UACA: variants seen among roughly 807,000 people sequenced by gnomAD.
UACA encodes the protein nuclear membrane binding protein.
Under a neutral mutation model 160.5 loss-of-function variants are expected in UACA, and 112 were observed. The observed-to-expected ratio is 0.70, with a 90% confidence interval of 0.60 to 0.82. The LOEUF (loss-of-function observed/expected upper bound fraction) is 0.82. Ranked by LOEUF, UACA falls within the 40% of genes least tolerant of loss-of-function variation. UACA has a pLI of 0.00. For synonymous variants in UACA, 557 were observed against 568.4 expected (o/e 0.98, Z 0.29); for missense variants, 1,574 against 1,614.6 (o/e 0.97, Z 0.43).
chr15:70,660,276 A>C, intron 17 of UACA, 60 bp from the exon 18 acceptor site: 1 of 1,417,844 alleles, frequency 7.1e-7, no homozygotes, highest in Non-Finnish European at 9.9e-7. Flanking sequence ...CAAACTTTGG[A>C]CAATGCTCAG....
At chr15:70,762,623 G>A (rs1364181035) in intron 1 of UACA, among the ~76,000 whole-genome samples, 1 of 152,180 alleles carries the variant, frequency 6.6e-6, no homozygotes, top group Non-Finnish European at 1.5e-5. Flanking sequence ...AGCCCCGCAC[G>A]GATCCCGCCC....
intron 1 of UACA, among the ~76,000 whole-genome samples, chr15:70,728,888 G>A (rs1220918870): frequency 1.3e-5 from 2 of 152,034 alleles, no homozygotes; most frequent in Admixed American, 6.6e-5. Context: ...AACATGAACC[G>A]ACACCTCTCA....
chr15:70,669,061 T>C lies in UACA; in HGVS notation c.1623A>G (p.Glu541=), dbSNP rs188217497. Residue 541 remains glutamate (E), a synonymous_variant, in exon 16 of 19, where the codon GAA becomes GAG. Transcript: ENST00000322954. ...AASGNHRLTE[E]LKDQLKDLKV... is the part of the protein sequence containing the mutation. The stretch of plus-strand genomic sequence containing the variant: ...TCAAGTCTTTCAACTGATCCTTCAG[T>C]TCCTCGGTTAGTCTGTGATTCCCTG... 54 of 1,614,096 alleles carry C rather than the reference T, an allele frequency of 3.3e-5. No homozygotes were observed. The African/African-American group carries it at 6.4e-4, about 19-fold the overall frequency.
At chr15:70,723,817 A>G (rs1332150293) in intron 1 of UACA, among the ~76,000 whole-genome samples, 1 of 151,990 alleles carries the variant, frequency 6.6e-6, no homozygotes, top group Non-Finnish European at 1.5e-5. Flanking sequence ...TATTTTTAGT[A>G]GAGACGGGGT....
rs371520610 is a variant in UACA, at chr15:70,753,340, G to T, written c.78+9990C>A. Among the ~76,000 whole-genome samples, 16 of 152,256 alleles carry T rather than the reference G, an allele frequency of 1.1e-4. No individual in the cohort carries two copies. The South Asian group carries it at 1.9e-3, about 18-fold the overall frequency. ...AAATAACAGAATCTATTATTGGAAG[G>T]ATATCAGGAATGCAACAATTCCACA... On this transcript the variant is annotated intron_variant, in intron 1 of 18. Coordinates refer to ENST00000322954, the MANE Select transcript of UACA (RefSeq NM_018003.4).
intron 10 of UACA, among the ~76,000 whole-genome samples, chr15:70,678,816 CTG>C (rs918800699): frequency 1.3e-5 from 2 of 152,026 alleles, no homozygotes; most frequent in African/African-American, 4.8e-5. Context: ...CCAAAAAGTA[CTG>C]TGTGGTTAGT....
intron 18 of UACA, among the ~76,000 whole-genome samples, chr15:70,659,391 G>GTTTT (rs1375150038): frequency 1.5e-3 from 15 of 9,958 alleles, no homozygotes; most frequent in African/African-American, 2.1e-3. Context: ...TTCATTTTTT[G>GTTTT]TTTGTTTTTT....
intron 1 of UACA, among the ~76,000 whole-genome samples, chr15:70,718,512 T>A (rs1898895240): frequency 6.6e-6 from 1 of 152,102 alleles, no homozygotes; most frequent in Non-Finnish European, 1.5e-5. Flanking sequence ...CCAGCCTTCT[T>A]GCTGTAGTAC....
chr15:70,683,850 CAT>C (rs144963194), intron 8 of UACA, among the ~76,000 whole-genome samples: 4,023 of 149,392 alleles, frequency 0.027, 67 homozygotes, highest in Middle Eastern at 0.049. Context: ...TTAAAAAAAA[CAT>C]AAAAAATCAT....
intron 1 of UACA, among the ~76,000 whole-genome samples, chr15:70,702,585 A>G (rs986279017): frequency 2.6e-5 from 4 of 152,256 alleles, no homozygotes; most frequent in Non-Finnish European, 4.4e-5. Flanking sequence ...CCACAGAACA[A>G]TATTTAAAAC....
chr15:70,749,511 C>T (rs1410146050), intron 1 of UACA, among the ~76,000 whole-genome samples: 1 of 144,090 alleles, frequency 6.9e-6, no homozygotes, highest in Non-Finnish European at 1.5e-5. Flanking sequence ...GGGCGATAAG[C>T]AAGACTCCGT....
chr15:70,710,078 G>T (rs749749601), intron 1 of UACA, among the ~76,000 whole-genome samples: 1 of 152,006 alleles, frequency 6.6e-6, no homozygotes, highest in East Asian at 1.9e-4. Flanking sequence ...GCAACATGAC[G>T]AAACCCTCTC....
At chr15:70,758,281 G>T (rs577789632) in intron 1 of UACA, 1 of 152,162 alleles carries the variant, frequency 6.6e-6, no homozygotes, top group Non-Finnish European at 1.5e-5. Context: ...TAAAAGAAGG[G>T]TTTCTTTATT....
upstream of UACA, chr15:70,763,717 T>C: frequency 3.0e-6 from 1 of 329,994 alleles, no homozygotes; most frequent in South Asian, 1.4e-4. Flanking sequence ...GTTTGGGAAC[T>C]TTAGCCCGGG....
the UACA span, among the ~76,000 whole-genome samples, chr15:70,776,864 G>A: frequency 6.6e-6 from 1 of 152,044 alleles, no homozygotes; most frequent in Middle Eastern, 3.2e-3. Flanking sequence ...TATATATAGT[G>A]TATCAAAAAG....
At chr15:70,768,194 A>T (rs2031061724), upstream of UACA, 1 of 152,218 alleles carries the variant, frequency 6.6e-6, no homozygotes, top group Admixed American at 6.5e-5. Flanking sequence ...TCTTACAGAA[A>T]CCACTTCTTT....
At chr15:70,661,176 G>C (rs762021189) in intron 17 of UACA, 5 of 152,030 alleles carry the variant, frequency 3.3e-5, no homozygotes, top group Non-Finnish European at 7.4e-5. Flanking sequence ...TAGCATCTAC[G>C]TTACAAGTTC....
At chr15:70,703,263 T>C in intron 1 of UACA, 1 of 1,287,232 alleles carries the variant, frequency 7.8e-7, no homozygotes, top group Non-Finnish European at 1.0e-6. Flanking sequence ...GACACATTTG[T>C]GAAAATTGTT....
At chr15:70,738,482 G>T (rs1440186844) in intron 1 of UACA, among the ~76,000 whole-genome samples, 1 of 151,880 alleles carries the variant, frequency 6.6e-6, no homozygotes, top group East Asian at 1.9e-4. Context: ...AACACACCTG[G>T]CCTGGATTAT....
Sources: allele counts gnomAD v4.1 joint callset (sites outside exome capture counted in the v4.1 genomes callset), GRCh38; gene constraint gnomAD v4.1.1; transcripts MANE v1.5; gene names NCBI Gene and HGNC (gene_info 2026-07-23, HGNC 2026-07-21).